PHF24: variants seen among roughly 807,000 people sequenced by gnomAD.
PHF24 encodes the protein PHD finger protein 24.
A neutral mutation model predicts 42.6 loss-of-function variants in PHF24; 25 were observed. That is an observed-to-expected ratio of 0.59 (90% CI 0.43 to 0.82). The LOEUF is 0.82. Among genes scored for constraint, PHF24 ranks in the 40% least tolerant of loss-of-function variants. The pLI is 0.00. For missense variants in PHF24, 470 were observed against 538.1 expected, an observed-to-expected ratio of 0.87 and a Z score of 1.25; for synonymous variants, 185 against 204.8, an observed-to-expected ratio of 0.90 and a Z score of 0.83.
chr9:34,834,596 T>C, the PHF24 span: 1 of 1,550,372 alleles, frequency 6.5e-7, no homozygotes, highest in South Asian at 1.2e-5. Context: ...CTTCCCTGTC[T>C]GGGAAGCTGT....
the PHF24 span, among the ~76,000 whole-genome samples, chr9:34,694,603 G>C: frequency 1.3e-5 from 2 of 152,158 alleles, no homozygotes; most frequent in South Asian, 4.2e-4. Context: ...AAAGTGCAGG[G>C]ATTACAGGCG....
At chr9:34,850,306 T>C in the PHF24 span, among the ~76,000 whole-genome samples, 1 of 152,260 alleles carries the variant, frequency 6.6e-6, no homozygotes, top group East Asian at 1.9e-4. Context: ...CATTTCTTTT[T>C]ATTCTTTTTT....
chr9:34,856,129 C>A, the PHF24 span, among the ~76,000 whole-genome samples: 1 of 152,154 alleles, frequency 6.6e-6, no homozygotes, highest in Non-Finnish European at 1.5e-5. Flanking sequence ...ATCAGGTCAG[C>A]TATGTTTCTC....
At chr9:34,780,577 A>G in the PHF24 span, among the ~76,000 whole-genome samples, 132,159 of 152,104 alleles carry the variant, frequency 0.87, 59,443 homozygotes, top group Non-Finnish European at 0.98. Flanking sequence ...GAGCCACTGC[A>G]CCTAGCTGGC....
chr9:34,810,460 A>T, the PHF24 span, among the ~76,000 whole-genome samples: 1 of 152,192 alleles, frequency 6.6e-6, no homozygotes, highest in South Asian at 2.1e-4. Flanking sequence ...CTTCTGTGTC[A>T]CTGTGGGAGC....
At chr9:34,689,924 G>T in the PHF24 span, 1 of 1,614,118 alleles carries the variant, frequency 6.2e-7, no homozygotes, top group Non-Finnish European at 8.5e-7. This position sits in a 1 kb window ranked among gnomAD's most constrained non-coding sequence, Gnocchi z 4.1. Context: ...GGAGGGCCAG[G>T]CTTGCCTTGG....
intron 1 of PHF24, among the ~76,000 whole-genome samples, chr9:34,963,470 C>T (rs1826666013): frequency 6.6e-6 from 1 of 152,144 alleles, no homozygotes; most frequent in Admixed American, 6.5e-5. Flanking sequence ...CTTCCAGGAG[C>T]CAATTGTTGA....
chr9:34,963,700 G>A (rs890357101), intron 1 of PHF24, among the ~76,000 whole-genome samples: 3 of 152,196 alleles, frequency 2.0e-5, no homozygotes, highest in East Asian at 1.9e-4. Flanking sequence ...TGTAGAAACC[G>A]GCTAAATTGC....
the PHF24 span, chr9:34,837,847 C>A: frequency 1.6e-6 from 1 of 622,546 alleles, no homozygotes; most frequent in Admixed American, 2.7e-5. Flanking sequence ...CCTATTCCAC[C>A]TTTTTACTCC....
the PHF24 span, chr9:34,709,673 G>T: frequency 1.6e-5 from 26 of 1,613,818 alleles, no homozygotes; most frequent in East Asian, 5.8e-4. Context: ...AGCGCTTGCG[G>T]GGCAAGAACC....
chr9:34,879,103 A>G, the PHF24 span, among the ~76,000 whole-genome samples: 1 of 152,194 alleles, frequency 6.6e-6, no homozygotes, highest in South Asian at 2.1e-4. Flanking sequence ...CAGGGTCTGG[A>G]GTGGACCTCC....
In PHF24 at chr9:34,972,030, G is replaced by T. The variant is rs545966797; in HGVS notation, c.379-316G>T. On this transcript the variant is annotated intron_variant, in intron 2 of 7. Transcript: ENST00000242315. ...AGGTCACAACACCAGGTGGCTACTG[G>T]TGTTTGGTACCAAGAAAAGCAGGGA... Among the ~76,000 whole-genome samples the T allele has an allele frequency of 6.6e-5, 10 of 152,284 alleles. No individual in the cohort carries two copies. The South Asian group carries it at 1.9e-3, about 28-fold the overall frequency.
the PHF24 span, among the ~76,000 whole-genome samples, chr9:34,919,852 G>A: frequency 6.6e-6 from 1 of 152,186 alleles, no homozygotes; most frequent in South Asian, 2.1e-4. Context: ...ATGTCCTCCA[G>A]TCCATCCACG....
At chr9:34,903,510 G>A in the PHF24 span, among the ~76,000 whole-genome samples, 4 of 152,214 alleles carry the variant, frequency 2.6e-5, no homozygotes, top group Admixed American at 6.5e-5. Flanking sequence ...AAGCTGCAGC[G>A]AGCTGTGATT....
the PHF24 span, among the ~76,000 whole-genome samples, chr9:34,823,171 C>A: frequency 7.5e-6 from 1 of 132,784 alleles, no homozygotes; most frequent in Non-Finnish European, 1.5e-5. Flanking sequence ...AGTCCGCAGT[C>A]CGGCCTGGGC....
chr9:34,769,209 A>G, the PHF24 span, among the ~76,000 whole-genome samples: 3 of 152,232 alleles, frequency 2.0e-5, no homozygotes, highest in African/African-American at 7.2e-5. Flanking sequence ...TTCGCCTCCC[A>G]GGTTCAAGTG....
chr9:34,978,015 A>T, exon 8 of PHF24: 1 of 1,612,874 alleles, frequency 6.2e-7, no homozygotes, highest in Non-Finnish European at 8.5e-7. Flanking sequence ...TCCACTCCAG[A>T]TTTGTGGACT....
chr9:34,680,666 C>T, the PHF24 span, among the ~76,000 whole-genome samples: 2 of 140,216 alleles, frequency 1.4e-5, no homozygotes, highest in Non-Finnish European at 3.1e-5. Context: ...CCAGCCTGGG[C>T]GACAGAGCGA....
intron 2 of PHF24, among the ~76,000 whole-genome samples, 155 bp from the exon 3 acceptor site, chr9:34,972,191 A>G (rs921067546): frequency 6.6e-6 from 1 of 152,258 alleles, no homozygotes; most frequent in Non-Finnish European, 1.5e-5. Flanking sequence ...CTTGTCGTCC[A>G]GAAAGAAAAC....
Sources: gnomAD v4.1 joint callset for allele counts (sites outside exome capture counted in the v4.1 genomes callset) on GRCh38, gnomAD v4.1.1 for gene constraint, Gnocchi (gnomAD v3.1) non-coding constraint, MANE v1.5 for transcripts, NCBI Gene and HGNC (gene_info 2026-07-23, HGNC 2026-07-21) for gene names.